The following TRMT2A variants were observed in gnomAD, a reference collection of about 807,000 sequenced individuals.
The protein encoded by TRMT2A is tRNA methyltransferase 2A.
In TRMT2A, 60 loss-of-function variants were observed where a neutral mutation model predicts 59.3. That is an observed-to-expected ratio of 1.01 (90% CI 0.82 to 1.26). The LOEUF is 1.26. Among genes scored for constraint, TRMT2A ranks in the 50% most tolerant of loss-of-function variants. The pLI is 0.00. For synonymous variants in TRMT2A, 403 were observed against 353.7 expected, an observed-to-expected ratio of 1.14 and a Z score of -1.56; for missense variants, 863 against 845.2, an observed-to-expected ratio of 1.02 and a Z score of -0.26.
Position 20,113,514 on chromosome 22 carries a change from C to T in TRMT2A, c.1357-7G>A, listed in dbSNP as rs2049913689. On this transcript the variant is annotated splice_region_variant and splice_polypyrimidine_tract_variant and intron_variant, in intron 8 of 11. Coordinates refer to ENST00000252136, the MANE Select transcript of TRMT2A (RefSeq NM_022727.6). ...CAATGACCCTCTTTACCTTCTGAAA[C>T]AGGAAAGCGTGGTGTCGCCCCACCC... The T allele has an allele frequency of 1.9e-6, 3 of 1,613,064 alleles. No individual in the cohort carries two copies. The highest frequency in any genetic ancestry group is 4.5e-5 in the East Asian group (2 of 44,824).
At position 20,115,445 on chromosome 22, in the gene TRMT2A, A is replaced by G. The variant is rs771222583; in HGVS notation, c.711T>C (p.Thr237=). 6.2e-7 allele frequency: 1 copy of G among 1,605,826 alleles called. No individual in the cohort carries two copies. Among genetic ancestry groups the G allele is most frequent in the Non-Finnish European group, 8.5e-7 (1 of 1,176,312 alleles). ...LEGVRPSPQQ[T]EYRNKCEFLV... is the part of the protein sequence containing the mutation. The stretch of plus-strand genomic sequence containing the variant: ...GAAACTCACACTTATTACGATACTC[A>G]GTCTGCAGGGAGAGAGAGCTGCACC... Residue 237 remains threonine, a splice_region_variant and synonymous_variant, in exon 4 of 12, where the codon ACT becomes ACC. Coordinates refer to ENST00000252136, the MANE Select transcript of TRMT2A (RefSeq NM_022727.6).
intron 10 of TRMT2A, 24 bp from the exon 11 acceptor site, chr22:20,113,031 G>A (rs768371626): frequency 1.1e-5 from 18 of 1,613,364 alleles, no homozygotes; most frequent in Non-Finnish European, 1.4e-5. Context: ...CACCAGCTGG[G>A]TCCCCACAGC....
intron 9 of TRMT2A, 34 bp downstream of exon 9, chr22:20,113,398 C>CAA: frequency 6.5e-7 from 1 of 1,544,158 alleles, no homozygotes; most frequent in Non-Finnish European, 8.9e-7. Context: ...CGGCTGCCCC[C>CAA]ATCCCCACCC....
At position 20,116,100 on chromosome 22, in the gene TRMT2A, G is replaced by A. The variant is rs1408246519; in HGVS notation, c.537C>T (p.Pro179=). 6.2e-7 allele frequency: 1 copy of A among 1,605,878 alleles called. No homozygotes were observed. Among genetic ancestry groups the A allele is most frequent in the African/African-American group, 1.3e-5 (1 of 74,836 alleles). ...GCTTCCGCTCAAGCTGCTCAGCATA[G>A]GGCACTGTCCATAGAGGGGTCACCA... ...ADVVTPLWTV[P]YAEQLERKQL... is the part of the protein sequence containing the mutation. Residue 179 remains proline (P), a synonymous_variant, in exon 2 of 12, where the codon CCC becomes CCT. Coordinates refer to ENST00000252136, the MANE Select transcript of TRMT2A (RefSeq NM_022727.6).
At chr22:20,112,874 A>T (rs1041893847) in intron 11 of TRMT2A, 37 bp downstream of exon 11, 2 of 1,612,434 alleles carry the variant, frequency 1.2e-6, no homozygotes, top group East Asian at 4.5e-5. Context: ...GCTTGGTAGC[A>T]GGCCTAGCCC....
chr22:20,115,969 T>A, intron 2 of TRMT2A, 69 bp downstream of exon 2: 3 of 1,502,618 alleles, frequency 2.0e-6, no homozygotes, highest in Non-Finnish European at 2.7e-6. Context: ...AACTGGTGCA[T>A]GGACAGGCTG....
In TRMT2A at chr22:20,113,680, G is replaced by A; in HGVS notation, c.1356+6C>T. The A allele has an allele frequency of 6.3e-7, 1 of 1,593,052 alleles. No individual in the cohort carries two copies. The highest frequency in any genetic ancestry group is 8.5e-7 in the Non-Finnish European group (1 of 1,169,636). On this transcript the variant is annotated splice_donor_region_variant and intron_variant, in intron 8 of 11. Transcript: ENST00000252136. ...AGGGTGCCCTCAGCAGGGCAGGAGGGCTCACCCGGGCCAGGGCCAGGCCAA... is the reference window on the plus strand; with the variant it reads ...AGGGTGCCCTCAGCAGGGCAGGAGGACTCACCCGGGCCAGGGCCAGGCCAA...
intron 4 of TRMT2A, 38 bp downstream of exon 4, chr22:20,115,228 G>T: frequency 6.3e-7 from 1 of 1,598,924 alleles, no homozygotes; most frequent in Non-Finnish European, 8.5e-7. Context: ...CTCCCACACC[G>T]CATAGGACTT....
intron 11 of TRMT2A, 25 bp downstream of exon 11, chr22:20,112,886 C>T (rs9606254): frequency 0.17 from 275,240 of 1,612,544 alleles, 25,603 homozygotes; most frequent in Middle Eastern, 0.19. Flanking sequence ...GCCTAGCCCC[C>T]ACCCAGGCCC....
chr22:20,115,015 GCA>G lies in TRMT2A; in HGVS notation c.953_954del (p.Val318AlafsTer22). 3.1e-6 allele frequency: 5 copies of G among 1,599,020 alleles called. No individual in the cohort carries two copies. The South Asian group carries it at 3.4e-5, about 11-fold the overall frequency. On this transcript the variant is annotated frameshift_variant, in exon 5 of 12. Coordinates refer to ENST00000252136, the MANE Select transcript of TRMT2A (RefSeq NM_022727.6). LOFTEE classifies it high-confidence loss of function. Reference protein sequence around the residue: ...TYTGHWKQLTVRTSRRHQAMA... With the variant: ...TYTGHWKQLTXRTSRRHQAMA... ...ATGGCCTGGTGGCGGCGGCTGGTGC[GCA>G]CAGTCAGCTGCTTCCAGTGGCCTGT...
chr22:20,112,836 T>C (rs1255495122), intron 11 of TRMT2A, 42 bp from the exon 12 acceptor site: 1 of 1,612,524 alleles, frequency 6.2e-7, no homozygotes. Flanking sequence ...GCCGATAGGC[T>C]AATCAGGGGC....
Position 20,112,794 on chromosome 22 carries a change from G to C in TRMT2A, c.1647C>G (p.Asp549Glu). Reference sequence around the variant, plus strand: ...CCCGGTTAGATGGGGCTCTGCAGAGGCTGTGGGGGGAAAAGGGGGGCGCTA... The same window carrying C: ...CCCGGTTAGATGGGGCTCTGCAGAGCCTGTGGGGGGAAAAGGGGGGCGCTA... ...NPRAAMGNFV[D>E]LCRAPSNRVK... is the part of the protein sequence containing the mutation. The change falls in exon 12 of 12, where the codon GAC becomes GAG. Residue 549 changes from aspartate (D) to glutamate (E), a missense_variant and splice_region_variant. Transcript: ENST00000252136. 1 of 1,613,244 alleles carries C rather than the reference G, an allele frequency of 6.2e-7. No individual in the cohort carries two copies. The highest frequency in any genetic ancestry group is 8.5e-7 in the Non-Finnish European group (1 of 1,179,996).
At chr22:20,112,843 G>C in intron 11 of TRMT2A, 49 bp from the exon 12 acceptor site, 1 of 1,612,460 alleles carries the variant, frequency 6.2e-7, no homozygotes, top group Non-Finnish European at 8.5e-7. Context: ...GGCTAATCAG[G>C]GGCTCCTGTG....
Position 20,116,452 on chromosome 22 carries a change from T to C in TRMT2A, c.185A>G (p.Tyr62Cys). 1 of 1,612,850 alleles carries C rather than the reference T, an allele frequency of 6.2e-7. No individual in the cohort carries two copies. The highest frequency in any genetic ancestry group is 8.5e-7 in the Non-Finnish European group (1 of 1,179,876). ...GPGPQPGLYS[Y>C]IRDDLFTSEI... ...AGAGGTAAACAAGTCATCCCTGATG[T>C]AGCTGTAGAGCCCGGGCTGAGGCCC... Residue 62 changes from tyrosine to cysteine, a missense_variant, in exon 2 of 12, where the codon TAC (tyrosine) becomes TGC (cysteine). Transcript: ENST00000252136.
Position 20,114,954 on chromosome 22 carries a change from C to A in TRMT2A, c.1005+11G>T. On this transcript the variant is annotated intron_variant, in intron 5 of 11. Transcript: ENST00000252136. ...CTAGGCACCCTCCCCCAGCAGGGCC[C>A]CCGTTGAGACCTGGGGGTGGAAGTA... 6.3e-7 allele frequency: 1 copy of A among 1,579,498 alleles called. No homozygotes were observed. The highest frequency in any genetic ancestry group is 2.3e-5 in the East Asian group (1 of 43,496).
intron 2 of TRMT2A, 74 bp downstream of exon 2, chr22:20,115,964 G>A (rs1164715506): frequency 1.3e-6 from 2 of 1,493,800 alleles, no homozygotes; most frequent in African/African-American, 2.8e-5. Context: ...CTCCCAACTG[G>A]TGCATGGACA....
At chr22:20,116,719 C>T in intron 1 of TRMT2A, 107 bp from the exon 2 acceptor site, 1 of 1,427,048 alleles carries the variant, frequency 7.0e-7, no homozygotes, top group Non-Finnish European at 9.5e-7. Context: ...ACTCTGCACT[C>T]AGCCCTGCCC....
intron 1 of TRMT2A, 87 bp from the exon 2 acceptor site, chr22:20,116,699 CCGT>C: frequency 2.0e-6 from 3 of 1,465,266 alleles, no homozygotes; most frequent in Non-Finnish European, 2.7e-6. Flanking sequence ...ACCCAGACCT[CCGT>C]CGGTGCACTC....
rs1473431320 is a variant in TRMT2A, at chr22:20,115,331, C to G, written c.825G>C (p.Pro275=). 4 of 1,612,680 alleles carry G rather than the reference C, an allele frequency of 2.5e-6. No homozygotes were observed. Among genetic ancestry groups the G allele is most frequent in the Admixed American group, 3.3e-5 (2 of 59,994 alleles). ...YKGGTCAVAA[P]FDTVHIPEAT... is the part of the protein sequence containing the mutation. Reference sequence around the variant, plus strand: ...CTTCGGGGATGTGCACGGTGTCAAACGGGGCTGCCACAGCACACGTCCCGC... The same window carrying G: ...CTTCGGGGATGTGCACGGTGTCAAAGGGGGCTGCCACAGCACACGTCCCGC... The change falls in exon 4 of 12, where the codon CCG becomes CCC. Residue 275 remains proline (P), a synonymous_variant. Transcript: ENST00000252136.
Sources: gnomAD v4.1 joint callset for allele counts on GRCh38, gnomAD v4.1.1 for gene constraint, MANE v1.5 for transcripts, NCBI Gene and HGNC (gene_info 2026-07-23, HGNC 2026-07-21) for gene names.